BNIP1: variants seen among roughly 807,000 people sequenced by gnomAD.
BNIP1 encodes BCL2 interacting protein 1, also known as vesicle transport protein SEC20.
In BNIP1, 25 loss-of-function variants were observed where a neutral mutation model predicts 28.5. The ratio of observed to expected loss-of-function variants is 0.88; its 90% CI spans 0.64 to 1.23. The LOEUF (loss-of-function observed/expected upper bound fraction) is 1.23. Among genes scored for constraint, BNIP1 ranks in the 50% most tolerant of loss-of-function variants. The pLI is 0.00. For synonymous variants in BNIP1, 118 were observed against 101.7 expected (o/e 1.16, Z -0.96); for missense variants, 276 against 277.0 (o/e 1.00, Z 0.02).
At chr5:173,144,861 T>G in intron 1 of BNIP1, 1 of 499,832 alleles carries the variant, frequency 2.0e-6, no homozygotes, top group Non-Finnish European at 3.6e-6. Context: ...CACCCCACTG[T>G]TCTCCGCCCC....
chr5:173,162,395 G>A (rs1233066997), intron 5 of BNIP1, among the ~76,000 whole-genome samples: 1 of 152,124 alleles, frequency 6.6e-6, no homozygotes, highest in East Asian at 1.9e-4. Context: ...AGGCCAAGGC[G>A]GGCAGATCAC....
intron 3 of BNIP1, among the ~76,000 whole-genome samples, chr5:173,156,716 C>T (rs369818759): frequency 2.0e-5 from 3 of 149,646 alleles, no homozygotes; most frequent in African/African-American, 7.4e-5. Context: ...GGCGCAATCT[C>T]GGCTCACTGC....
intron 3 of BNIP1, among the ~76,000 whole-genome samples, chr5:173,155,602 G>T (rs1760161174): frequency 6.6e-6 from 1 of 152,154 alleles, no homozygotes; most frequent in African/African-American, 2.4e-5. Flanking sequence ...GGAGGCTGAG[G>T]CAGGAGAATC....
At chr5:173,153,478 C>T (rs1054375074) in intron 2 of BNIP1, among the ~76,000 whole-genome samples, 6 of 152,078 alleles carry the variant, frequency 3.9e-5, no homozygotes, top group Admixed American at 1.3e-4. Context: ...CTCCCCGCCT[C>T]GGCCTCCCAA....
chr5:173,146,803 T>G, intron 1 of BNIP1, 63 bp from the exon 2 acceptor site: 1 of 1,245,736 alleles, frequency 8.0e-7, no homozygotes, highest in Non-Finnish European at 1.2e-6. Context: ...TATCACTGTA[T>G]GGATGGTGTC....
rs1338341619 is a variant in BNIP1, at chr5:173,164,224, C to T, written c.*303C>T. 2 of 249,954 alleles carry T rather than the reference C, an allele frequency of 8.0e-6. No individual in the cohort carries two copies. Among genetic ancestry groups the T allele is most frequent in the Non-Finnish European group, 1.5e-5 (2 of 131,732 alleles). The allele number at this position is 249,954 out of a possible 1,614,324, so 15.5% of individuals were successfully genotyped here. ...AGCACTTAAAGTCCAGCCTCCAGGACCGGATGCCCCTCCTGTCTCCCGCTC... is the reference window on the plus strand; with the variant it reads ...AGCACTTAAAGTCCAGCCTCCAGGATCGGATGCCCCTCCTGTCTCCCGCTC... On this transcript the variant is annotated 3_prime_UTR_variant, in exon 6 of 6. Coordinates refer to ENST00000351486, the MANE Select transcript of BNIP1 (RefSeq NM_001205.3). This position sits in a 1 kb window ranked among gnomAD's most constrained non-coding sequence, Gnocchi z 4.0.
At chr5:173,161,233 C>A (rs1290874818) in intron 5 of BNIP1, 1 of 163,014 alleles carries the variant, frequency 6.1e-6, no homozygotes, top group Non-Finnish European at 1.3e-5. Flanking sequence ...ATACCATGAT[C>A]ACCCCTAGAA....
chr5:173,147,230 C>A (rs965669604), intron 2 of BNIP1, among the ~76,000 whole-genome samples: 1 of 151,556 alleles, frequency 6.6e-6, no homozygotes, highest in African/African-American at 2.4e-5. Context: ...CACGGTGAAG[C>A]CCGTCTCTAC....
chr5:173,160,191 C>T, intron 5 of BNIP1, 140 bp downstream of exon 5: 1 of 710,256 alleles, frequency 1.4e-6, no homozygotes, highest in East Asian at 2.5e-5. Flanking sequence ...CATGAGATGA[C>T]TTGACACCAT....
intron 2 of BNIP1, among the ~76,000 whole-genome samples, chr5:173,149,025 C>A (rs2113840210): frequency 6.6e-6 from 1 of 152,226 alleles, no homozygotes; most frequent in East Asian, 1.9e-4. Flanking sequence ...ACTTACTCTG[C>A]CCTAGTGGGA....
rs1397284495 is a variant in BNIP1 at position 173,148,082 on chromosome 5, AAATATATATATATATATATATATATATAT to A, written c.177+1126_177+1154del. 5.4e-4 allele frequency among the ~76,000 whole-genome samples: 25 copies of A among 45,956 alleles called. 2 individuals are homozygous for A. Among genetic ancestry groups the A allele is most frequent in the African/African-American group, 2.5e-3 (23 of 9,272 alleles). 30.1% of individuals were successfully genotyped at this position (45,956 alleles called of 152,430 possible). A position where few individuals can be genotyped will look rare whatever the true frequency, so the allele number is the denominator to read the frequency against. On this transcript the variant is annotated intron_variant, in intron 2 of 5. Transcript: ENST00000351486. ...TGTGTCAAAAAAAAAAAAAAAAAAA[AAATATATATATATATATATATATATATAT>A]ATATATATATATATATATATATATA...
chr5:173,150,257 CAAAAA>C (rs554893099), intron 2 of BNIP1, among the ~76,000 whole-genome samples: 1 of 74,278 alleles, frequency 1.3e-5, no homozygotes, highest in Non-Finnish European at 2.8e-5. Flanking sequence ...GACCCTGTCT[CAAAAA>C]AAAAAAAAAA....
At chr5:173,147,557 A>T (rs1759876231) in intron 2 of BNIP1, among the ~76,000 whole-genome samples, 1 of 150,554 alleles carries the variant, frequency 6.6e-6, no homozygotes, top group Non-Finnish European at 1.5e-5. Context: ...CTATTCATTC[A>T]TTCACTACCT....
At chr5:173,152,644 C>A (rs1169922722) in intron 2 of BNIP1, among the ~76,000 whole-genome samples, 1 of 152,188 alleles carries the variant, frequency 6.6e-6, no homozygotes, top group Non-Finnish European at 1.5e-5. Context: ...CCACCAGGCC[C>A]AGCCCATAGA....
intron 3 of BNIP1, among the ~76,000 whole-genome samples, chr5:173,157,512 T>G (rs755160314): frequency 3.9e-5 from 6 of 151,962 alleles, no homozygotes; most frequent in Non-Finnish European, 5.9e-5. Context: ...CCTCCTAGAT[T>G]CAAGTGATTT....
At chr5:173,158,909 A>T in intron 4 of BNIP1, 64 bp downstream of exon 4, 2 of 1,277,546 alleles carry the variant, frequency 1.6e-6, no homozygotes, top group Non-Finnish European at 2.2e-6. Context: ...AGGTGTAGGA[A>T]ACCCCCTCTT....
chr5:173,148,081 AAAATATATATATATATATATATAT>A (rs1759903714), intron 2 of BNIP1, among the ~76,000 whole-genome samples: 2 of 51,702 alleles, frequency 3.9e-5, no homozygotes, highest in African/African-American at 9.9e-5. Flanking sequence ...AAAAAAAAAA[AAAATATATATATATATATATATAT>A]ATATATATAT....
chr5:173,145,494 C>G (rs1320785062), intron 1 of BNIP1, among the ~76,000 whole-genome samples: 1 of 152,180 alleles, frequency 6.6e-6, no homozygotes, highest in African/African-American at 2.4e-5. Flanking sequence ...CTCCGCCTCC[C>G]GGGTTCCCGC....
At chr5:173,162,447 A>T (rs184497275) in intron 5 of BNIP1, among the ~76,000 whole-genome samples, 66 of 152,246 alleles carry the variant, frequency 4.3e-4, no homozygotes, top group African/African-American at 1.5e-3. Flanking sequence ...AACATGTTGA[A>T]ACCCTGTCTC....
Sources: allele counts gnomAD v4.1 joint callset (sites outside exome capture counted in the v4.1 genomes callset), GRCh38; gene constraint gnomAD v4.1.1; non-coding constraint Gnocchi (gnomAD v3.1); transcripts MANE v1.5; gene names NCBI Gene and HGNC (gene_info 2026-07-23, HGNC 2026-07-21).